ARHGAP15: variants seen among roughly 807,000 people sequenced by gnomAD.
ARHGAP15 encodes the protein rho GTPase-activating protein 15.
In ARHGAP15, 51 loss-of-function variants were observed where a neutral mutation model predicts 63.7. That is an observed-to-expected ratio of 0.80 (90% CI 0.64 to 1.01). ARHGAP15 has a LOEUF of 1.01. Among genes scored for constraint, ARHGAP15 ranks in the 50% least tolerant of loss-of-function variants. The probability of loss-of-function intolerance (pLI) is 0.00; values close to 1 mark genes in which losing one functional copy is unlikely to be tolerated. For synonymous variants in ARHGAP15, 191 were observed against 193.8 expected (o/e 0.99, Z 0.12); for missense variants, 560 against 564.6 (o/e 0.99, Z 0.08).
chr2:143,424,910 T>C (rs1249634536), intron 6 of ARHGAP15, among the ~76,000 whole-genome samples: 1 of 152,114 alleles, frequency 6.6e-6, no homozygotes, highest in African/African-American at 2.4e-5. Flanking sequence ...CCTAAATGGT[T>C]ATTAAATGAC....
At chr2:143,423,484 A>AT (rs1235893828) in intron 6 of ARHGAP15, among the ~76,000 whole-genome samples, 2 of 152,148 alleles carry the variant, frequency 1.3e-5, no homozygotes, top group Non-Finnish European at 2.9e-5. Flanking sequence ...ATGCAGGGAC[A>AT]TGTGGTTTTG....
intron 12 of ARHGAP15, among the ~76,000 whole-genome samples, chr2:143,680,803 CAG>C (rs539946522): frequency 1.5e-4 from 23 of 152,278 alleles, no homozygotes; most frequent in African/African-American, 5.1e-4. Context: ...AGCAACAAAA[CAG>C]AAATTTTACA....
chr2:143,632,795 C>T (rs1680111495), intron 12 of ARHGAP15, among the ~76,000 whole-genome samples: 1 of 152,084 alleles, frequency 6.6e-6, no homozygotes, highest in African/African-American at 2.4e-5. Flanking sequence ...GGGGAAAAGC[C>T]AGTCAAGTAT....
rs2072976977 is a variant in ARHGAP15 at position 143,767,974 on chromosome 2, T to TC, written c.1245-14dup. 3.7e-6 allele frequency: 6 copies of TC among 1,600,638 alleles called. No homozygotes were observed. Among genetic ancestry groups the TC allele is most frequent in the Non-Finnish European group, 5.1e-6 (6 of 1,174,062 alleles). ...AAACTCCAGTGAAATTATTTTTTTT[T>TC]CTCTCTCTCCACAGGATAGTGGCCA... On this transcript the variant is annotated splice_polypyrimidine_tract_variant and intron_variant, in intron 13 of 13. Coordinates refer to ENST00000295095, the MANE Select transcript of ARHGAP15 (RefSeq NM_018460.4).
chr2:143,608,365 T>G (rs1698119925), intron 11 of ARHGAP15: 1 of 152,200 alleles, frequency 6.6e-6, no homozygotes, highest in South Asian at 2.1e-4. Flanking sequence ...GTTATTTTTT[T>G]CCTGTGAGAT....
At chr2:143,551,600 A>G (rs1020268274) in intron 10 of ARHGAP15, among the ~76,000 whole-genome samples, 1 of 152,160 alleles carries the variant, frequency 6.6e-6, no homozygotes, top group South Asian at 2.1e-4. Context: ...AAAAAAAACT[A>G]TATATTTTTA....
chr2:143,661,598 A>G (rs1468247252), intron 12 of ARHGAP15, among the ~76,000 whole-genome samples: 3 of 152,198 alleles, frequency 2.0e-5, no homozygotes, highest in Non-Finnish European at 4.4e-5. Flanking sequence ...GAACAGCTCC[A>G]GTCTACAGCT....
chr2:143,179,394 A>C (rs948222930), intron 2 of ARHGAP15, among the ~76,000 whole-genome samples: 1 of 152,222 alleles, frequency 6.6e-6, no homozygotes, highest in African/African-American at 2.4e-5. Flanking sequence ...TCTTAAGAAA[A>C]GTCTAGACAT....
intron 13 of ARHGAP15, among the ~76,000 whole-genome samples, chr2:143,761,740 G>A (rs1294408375): frequency 6.6e-6 from 1 of 151,960 alleles, no homozygotes; most frequent in African/African-American, 2.4e-5. Flanking sequence ...TCTTTTCCGG[G>A]GGTCCAACAT....
chr2:143,673,750 G>GTATATATA lies in ARHGAP15; in HGVS notation c.1139-29668_1139-29667insATATATAT, dbSNP rs1239149068. On this transcript the variant is annotated intron_variant, in intron 12 of 13. Coordinates refer to ENST00000295095, the MANE Select transcript of ARHGAP15 (RefSeq NM_018460.4). ...TGTGTGTGTGTGTGTGTGTGTGTGT[G>GTATATATA]TGTGTGTGTATATATATATATATAT... is the stretch of plus-strand genomic sequence containing the variant. 5.4e-3 allele frequency among the ~76,000 whole-genome samples: 188 copies of GTATATATA among 34,602 alleles called. 5 individuals carry two copies. Among genetic ancestry groups the GTATATATA allele is most frequent in the South Asian group, 0.012 (6 of 510 alleles). 22.7% of individuals were successfully genotyped at this position (34,602 alleles called of 152,430 possible).
At chr2:143,550,403 A>G (rs979844681) in intron 10 of ARHGAP15, among the ~76,000 whole-genome samples, 1 of 152,240 alleles carries the variant, frequency 6.6e-6, no homozygotes, top group Non-Finnish European at 1.5e-5. Flanking sequence ...TTAAACTTCA[A>G]TCCAAGAAAG....
intron 12 of ARHGAP15, among the ~76,000 whole-genome samples, chr2:143,658,607 AT>A (rs1156984049): frequency 6.6e-6 from 1 of 152,130 alleles, no homozygotes; most frequent in African/African-American, 2.4e-5. Context: ...TCATATGGGG[AT>A]TCAAAGATGG....
rs188592292 is a variant in ARHGAP15 at position 143,635,849 on chromosome 2, A to C, written c.1138+11582A>C. Reference sequence around the variant, plus strand: ...GACAGCAGATATATATATATATTTTAATCTATGAACTATAAAAAAATTATA... The same window carrying C: ...GACAGCAGATATATATATATATTTTCATCTATGAACTATAAAAAAATTATA... On this transcript the variant is annotated intron_variant, in intron 12 of 13. Transcript: ENST00000295095. 1.2e-4 allele frequency among the ~76,000 whole-genome samples: 19 copies of C among 152,210 alleles called. No individual in the cohort carries two copies. In the East Asian group the frequency reaches 3.7e-3, roughly 29 times the overall value.
intron 12 of ARHGAP15, among the ~76,000 whole-genome samples, chr2:143,695,588 G>A (rs1017250629): frequency 3.3e-5 from 5 of 152,162 alleles, no homozygotes; most frequent in African/African-American, 1.2e-4. Flanking sequence ...AGTTACTTAA[G>A]CAGGATATGG....
At chr2:143,223,873 C>T (rs925671060) in intron 4 of ARHGAP15, among the ~76,000 whole-genome samples, 2 of 152,198 alleles carry the variant, frequency 1.3e-5, no homozygotes, top group African/African-American at 2.4e-5. Flanking sequence ...TGCAACCTTA[C>T]TGGGCTTCAG....
At chr2:143,356,207 C>G (rs1028591484) in intron 6 of ARHGAP15, among the ~76,000 whole-genome samples, 1 of 152,060 alleles carries the variant, frequency 6.6e-6, no homozygotes, top group African/African-American at 2.4e-5. Flanking sequence ...ACCAAGGTGC[C>G]GACATGCCAT....
intron 2 of ARHGAP15, among the ~76,000 whole-genome samples, chr2:143,167,626 A>G (rs1483689646): frequency 6.6e-6 from 1 of 152,000 alleles, no homozygotes; most frequent in African/African-American, 2.4e-5. Context: ...AAGGTCACCA[A>G]CATGTACCTA....
chr2:143,440,411 T>C (rs571637609), intron 8 of ARHGAP15, among the ~76,000 whole-genome samples: 9 of 152,288 alleles, frequency 5.9e-5, no homozygotes, highest in Non-Finnish European at 1.0e-4. Flanking sequence ...TCCTTATTAG[T>C]AGTCTAAGCA....
intron 6 of ARHGAP15, among the ~76,000 whole-genome samples, chr2:143,261,776 T>C (rs1680737479): frequency 6.6e-6 from 1 of 152,120 alleles, no homozygotes; most frequent in Non-Finnish European, 1.5e-5. Context: ...GTGCAAGCAG[T>C]TTATTTGATT....
Sources: gnomAD v4.1 joint callset for allele counts (sites outside exome capture counted in the v4.1 genomes callset) on GRCh38, gnomAD v4.1.1 for gene constraint, MANE v1.5 for transcripts, NCBI Gene and HGNC (gene_info 2026-07-23, HGNC 2026-07-21) for gene names.